The following PCSK5 variants were observed in gnomAD, a reference collection of about 807,000 sequenced individuals.
The protein encoded by PCSK5 is proprotein convertase subtilisin/kexin type 5, also known as prohormone convertase 5.
A neutral mutation model predicts 233.2 loss-of-function variants in PCSK5; 129 were observed. That is an observed-to-expected ratio of 0.55 (90% CI 0.48 to 0.64). The LOEUF (loss-of-function observed/expected upper bound fraction) is 0.64, where lower values mean the gene tolerates loss of function less well. PCSK5 is among the 30% of genes least tolerant of loss of function. The pLI, the probability that PCSK5 is intolerant of heterozygous loss-of-function variation, is 0.00. For missense variants in PCSK5, 2,076 were observed against 2,430.1 expected (o/e 0.85, Z 3.06); for synonymous variants, 825 against 879.2 (o/e 0.94, Z 1.09).
intron 10 of PCSK5, among the ~76,000 whole-genome samples, chr9:76,138,194 A>G (rs1052490412): frequency 2.6e-5 from 4 of 152,122 alleles, no homozygotes; most frequent in Non-Finnish European, 4.4e-5. Context: ...GCCCTGGTGT[A>G]ACTTACATAC....
intron 24 of PCSK5, among the ~76,000 whole-genome samples, chr9:76,243,076 T>C (rs1272875246): frequency 6.6e-6 from 1 of 152,180 alleles, no homozygotes. Context: ...CAGCTAAAGA[T>C]GAGACCAAGG....
chr9:76,012,264 A>G (rs1408228377), intron 3 of PCSK5, among the ~76,000 whole-genome samples: 1 of 152,240 alleles, frequency 6.6e-6, no homozygotes, highest in Non-Finnish European at 1.5e-5. Context: ...GGACTTTCAG[A>G]TAACTCAACT....
intron 24 of PCSK5, among the ~76,000 whole-genome samples, chr9:76,251,708 G>A (rs955478959): frequency 3.9e-5 from 6 of 151,932 alleles, no homozygotes; most frequent in African/African-American, 1.5e-4. Context: ...GCCAGGTGCT[G>A]TACTAAGTTT....
chr9:76,313,259 T>A (rs1828917807), intron 30 of PCSK5, among the ~76,000 whole-genome samples: 1 of 152,218 alleles, frequency 6.6e-6, no homozygotes, highest in South Asian at 2.1e-4. Context: ...TTGAGTATTT[T>A]TTAAATCACA....
intron 12 of PCSK5, among the ~76,000 whole-genome samples, chr9:76,162,439 G>C (rs1184469641): frequency 6.6e-6 from 1 of 152,092 alleles, no homozygotes; most frequent in African/African-American, 2.4e-5. Flanking sequence ...TGGAGAGCTG[G>C]GAACAAGGGC....
At chr9:76,148,479 A>G (rs1161483466) in intron 10 of PCSK5, among the ~76,000 whole-genome samples, 1 of 151,902 alleles carries the variant, frequency 6.6e-6, no homozygotes, top group East Asian at 2.0e-4. Flanking sequence ...TTTCAATTCT[A>G]CGTCTTCAAC....
intron 24 of PCSK5, among the ~76,000 whole-genome samples, chr9:76,266,610 G>A (rs1472981278): frequency 6.6e-6 from 1 of 152,148 alleles, no homozygotes; most frequent in African/African-American, 2.4e-5. Flanking sequence ...TCTTCCATCA[G>A]TGCCAAACTT....
intron 24 of PCSK5, among the ~76,000 whole-genome samples, chr9:76,286,221 C>G (rs977877446): frequency 6.6e-6 from 1 of 152,168 alleles, no homozygotes; most frequent in African/African-American, 2.4e-5. Context: ...CACCCAGCTT[C>G]TTGTCATTCA....
At chr9:75,934,171 T>G (rs1303377852) in intron 2 of PCSK5, among the ~76,000 whole-genome samples, 1 of 146,566 alleles carries the variant, frequency 6.8e-6, no homozygotes, top group Non-Finnish European at 1.5e-5. Context: ...AGTGGGGCCA[T>G]TGCAGGCCAG....
intron 2 of PCSK5, among the ~76,000 whole-genome samples, chr9:75,945,381 C>G (rs1462928149): frequency 2.0e-5 from 3 of 151,932 alleles, no homozygotes; most frequent in African/African-American, 7.2e-5. Flanking sequence ...ACTGAGTCAT[C>G]AAGAGATATT....
At chr9:76,206,535 G>A (rs1825122245) in intron 20 of PCSK5, among the ~76,000 whole-genome samples, 1 of 152,200 alleles carries the variant, frequency 6.6e-6, no homozygotes, top group African/African-American at 2.4e-5. Flanking sequence ...CATTTGAGCA[G>A]TGGGCAGGGC....
chr9:75,973,785 C>G (rs1825899778), intron 2 of PCSK5, among the ~76,000 whole-genome samples: 1 of 152,214 alleles, frequency 6.6e-6, no homozygotes, highest in Non-Finnish European at 1.5e-5. Context: ...TTGTTGGGAA[C>G]TGTGGTCAAG....
intron 10 of PCSK5, among the ~76,000 whole-genome samples, chr9:76,152,786 T>A (rs1277961568): frequency 2.6e-5 from 4 of 152,234 alleles, no homozygotes; most frequent in Non-Finnish European, 5.9e-5. Flanking sequence ...TTCTAGCTTA[T>A]CTTTAGAATA....
At position 75,999,170 on chromosome 9, in the gene PCSK5, C is replaced by T. The variant is rs1343920275; in HGVS notation, c.411+12925C>T. On this transcript the variant is annotated intron_variant, in intron 3 of 37. Coordinates refer to ENST00000674117, the MANE Select transcript of PCSK5 (RefSeq NM_001372043.1). ...TGGTTTGCTGCACCCATCAACCCAT[C>T]ACCTACATTAGGTGTTTCTCTTAAT... Among the ~76,000 whole-genome samples the T allele has an allele frequency of 2.6e-5, 4 of 152,158 alleles. No individual in the cohort carries two copies. The East Asian group carries it at 7.7e-4, about 29-fold the overall frequency.
chr9:76,228,500 G>C (rs1193263486), intron 21 of PCSK5, among the ~76,000 whole-genome samples: 1 of 152,202 alleles, frequency 6.6e-6, no homozygotes, highest in Non-Finnish European at 1.5e-5. Context: ...CCACAGTTCG[G>C]GGATAATAGC....
chr9:76,008,798 G>C (rs1376477844), intron 3 of PCSK5, among the ~76,000 whole-genome samples: 1 of 152,232 alleles, frequency 6.6e-6, no homozygotes, highest in East Asian at 1.9e-4. Context: ...GAAAGATGCA[G>C]TTAATTAAAG....
At chr9:76,244,922 A>C (rs992542034) in intron 24 of PCSK5, among the ~76,000 whole-genome samples, 1 of 152,338 alleles carries the variant, frequency 6.6e-6, no homozygotes, top group Non-Finnish European at 1.5e-5. Flanking sequence ...TTTGATGTCA[A>C]TTCTTTCTCT....
At chr9:76,196,019 AAAAG>A (rs1824682339) in intron 20 of PCSK5, 1 of 152,226 alleles carries the variant, frequency 6.6e-6, no homozygotes, top group Admixed American at 6.5e-5. Flanking sequence ...ATAAAGTTGG[AAAAG>A]AAAGAGTGAG....
At chr9:76,275,176 G>T (rs970503739) in intron 24 of PCSK5, among the ~76,000 whole-genome samples, 2 of 151,964 alleles carry the variant, frequency 1.3e-5, no homozygotes. Context: ...TTAACATGAG[G>T]TTTGGATGGT....
Sources: allele counts gnomAD v4.1 joint callset (sites outside exome capture counted in the v4.1 genomes callset), GRCh38; gene constraint gnomAD v4.1.1; transcripts MANE v1.5; gene names NCBI Gene and HGNC (gene_info 2026-07-23, HGNC 2026-07-21).